Variants in MARCHF1 observed in about 807,000 individuals in gnomAD.
MARCHF1 encodes the protein membrane associated ring-CH-type finger 1, also known as E3 ubiquitin-protein ligase MARCHF1.
MARCHF1 carries 40 observed loss-of-function variants against 54.2 expected under a neutral mutation model. That is an observed-to-expected ratio of 0.74 (90% confidence interval 0.57 to 0.96). MARCHF1 has a LOEUF of 0.96. Among genes scored for constraint, MARCHF1 ranks in the 40% least tolerant of loss-of-function variants. The pLI, the probability that MARCHF1 is intolerant of heterozygous loss-of-function variation, is 0.00. For missense variants in MARCHF1, 586 were observed against 656.5 expected (o/e 0.89, Z 1.17); for synonymous variants, 236 against 236.3 (o/e 1.00, Z 0.01).
intron 1 of MARCHF1, among the ~76,000 whole-genome samples, chr4:164,213,147 G>A (rs548764552): frequency 8.0e-5 from 12 of 150,922 alleles, no homozygotes; most frequent in African/African-American, 2.9e-4. Flanking sequence ...TAAGTAATTC[G>A]TTTCTTAGAT....
intron 2 of MARCHF1, among the ~76,000 whole-genome samples, chr4:164,041,847 T>C (rs866136839): frequency 6.6e-6 from 1 of 152,208 alleles, no homozygotes; most frequent in South Asian, 2.1e-4. Context: ...ATATTTCATT[T>C]GCTTTTCTCT....
intron 2 of MARCHF1, among the ~76,000 whole-genome samples, chr4:164,039,396 G>C (rs1305635347): frequency 6.6e-6 from 1 of 152,102 alleles, no homozygotes; most frequent in African/African-American, 2.4e-5. Flanking sequence ...TCATGTAACA[G>C]TAAAAACCTA....
At chr4:163,556,703 G>A (rs1156440316) in intron 8 of MARCHF1, among the ~76,000 whole-genome samples, 3 of 151,834 alleles carry the variant, frequency 2.0e-5, no homozygotes, top group African/African-American at 7.3e-5. Flanking sequence ...TGAAGTATTG[G>A]TTCCAGTTTT....
At chr4:163,679,269 G>C (rs1313997459) in intron 5 of MARCHF1, among the ~76,000 whole-genome samples, 1 of 152,172 alleles carries the variant, frequency 6.6e-6, no homozygotes, top group African/African-American at 2.4e-5. Context: ...CTACCAGATA[G>C]GAAGACACCT....
At chr4:163,933,207 A>G in intron 3 of MARCHF1, 1 of 734,990 alleles carries the variant, frequency 1.4e-6, no homozygotes, top group Non-Finnish European at 2.4e-6. Context: ...TATGGACCTC[A>G]GACAGTGCAG....
intron 4 of MARCHF1, among the ~76,000 whole-genome samples, chr4:163,724,609 G>A (rs887973588): frequency 7.9e-5 from 12 of 152,182 alleles, no homozygotes; most frequent in African/African-American, 2.9e-4. Flanking sequence ...CCCTAGAGGT[G>A]GAGTCTACAA....
intron 3 of MARCHF1, among the ~76,000 whole-genome samples, chr4:163,972,922 G>T (rs1378581815): frequency 6.6e-6 from 1 of 152,092 alleles, no homozygotes; most frequent in Non-Finnish European, 1.5e-5. Context: ...AGAAGAATAA[G>T]AATTAGTTAC....
chr4:163,653,336 G>A (rs1012859999), intron 5 of MARCHF1, among the ~76,000 whole-genome samples: 3 of 151,832 alleles, frequency 2.0e-5, no homozygotes, highest in African/African-American at 7.2e-5. Flanking sequence ...ATATCTTGTA[G>A]CATGTGGTAA....
In MARCHF1 at chr4:163,528,131, C is replaced by G. The variant is rs879071711; in HGVS notation, c.*617G>C. 1.3e-5 allele frequency: 2 copies of G among 152,380 alleles called. No homozygotes were observed. The highest frequency in any genetic ancestry group is 2.1e-4 in the South Asian group (1 of 4,818). 9.4% of individuals were successfully genotyped at this position (152,380 alleles called of 1,614,324 possible). A position where few individuals can be genotyped will look rare whatever the true frequency, so the allele number is the denominator to read the frequency against. On this transcript the variant is annotated 3_prime_UTR_variant, in exon 10 of 10. Coordinates refer to ENST00000514618, the MANE Select transcript of MARCHF1 (RefSeq NM_001394959.1). Reference sequence around the variant, plus strand: ...GTGACTTAAACAAACGTAATTAATTCCAAATATCAATGTCTTCAAATGTAT... The same window carrying G: ...GTGACTTAAACAAACGTAATTAATTGCAAATATCAATGTCTTCAAATGTAT...
At chr4:163,569,650 C>T (rs185553114) in intron 8 of MARCHF1, among the ~76,000 whole-genome samples, 10 of 152,232 alleles carry the variant, frequency 6.6e-5, no homozygotes, top group Non-Finnish European at 1.2e-4. Context: ...TACAAAGCTA[C>T]GATGACTGCT....
At chr4:164,344,253 C>A (rs973825347) in intron 1 of MARCHF1, among the ~76,000 whole-genome samples, 1 of 152,020 alleles carries the variant, frequency 6.6e-6, no homozygotes, top group Non-Finnish European at 1.5e-5. Context: ...GGGAGAAGAT[C>A]GGAAAACAAT....
intron 1 of MARCHF1, among the ~76,000 whole-genome samples, chr4:164,142,366 G>A (rs1756567692): frequency 6.6e-6 from 1 of 152,154 alleles, no homozygotes; most frequent in African/African-American, 2.4e-5. Context: ...ACCTCTGGGG[G>A]CAGGGCACAG....
intron 2 of MARCHF1, among the ~76,000 whole-genome samples, chr4:164,031,282 G>C (rs1262653773): frequency 6.6e-6 from 1 of 152,120 alleles, no homozygotes; most frequent in East Asian, 1.9e-4. Context: ...TTGCATAGTG[G>C]TGTTTATTGT....
intron 1 of MARCHF1, among the ~76,000 whole-genome samples, chr4:164,367,366 C>T (rs938652209): frequency 1.3e-5 from 2 of 151,962 alleles, no homozygotes; most frequent in Non-Finnish European, 2.9e-5. Context: ...TATTGCTTTA[C>T]TAATGTGTTT....
chr4:163,789,083 CAAGA>C (rs1747699691), intron 4 of MARCHF1, among the ~76,000 whole-genome samples: 1 of 151,942 alleles, frequency 6.6e-6, no homozygotes, highest in Non-Finnish European at 1.5e-5. Flanking sequence ...AAATTTTCTG[CAAGA>C]AAGATTTTTC....
intron 7 of MARCHF1, among the ~76,000 whole-genome samples, chr4:163,605,542 A>C (rs998610887): frequency 2.0e-5 from 3 of 152,174 alleles, no homozygotes; most frequent in Admixed American, 2.0e-4. Context: ...CTGACCCAGC[A>C]ATCCCATTAC....
chr4:164,132,103 A>G (rs1756312583), intron 1 of MARCHF1, among the ~76,000 whole-genome samples: 1 of 152,164 alleles, frequency 6.6e-6, no homozygotes, highest in Non-Finnish European at 1.5e-5. Flanking sequence ...AGCTAGTAAT[A>G]AAAATGTTTC....
At chr4:163,866,899 C>T (rs1021231097) in intron 3 of MARCHF1, among the ~76,000 whole-genome samples, 1 of 151,874 alleles carries the variant, frequency 6.6e-6, no homozygotes, top group Non-Finnish European at 1.5e-5. Flanking sequence ...ACCTTGAGGA[C>T]ATGTTACTCT....
intron 2 of MARCHF1, among the ~76,000 whole-genome samples, chr4:164,096,602 G>A (rs998454763): frequency 4.6e-5 from 7 of 151,800 alleles, no homozygotes; most frequent in Admixed American, 3.3e-4. Context: ...TGCCTCCAGA[G>A]TCCTTCTCTT....
Sources: allele counts gnomAD v4.1 joint callset (sites outside exome capture counted in the v4.1 genomes callset), GRCh38; gene constraint gnomAD v4.1.1; transcripts MANE v1.5; gene names NCBI Gene and HGNC (gene_info 2026-07-23, HGNC 2026-07-21).